Variants in ANOS1 observed in about 807,000 individuals in gnomAD.
ANOS1 encodes the protein anosmin-1.
ANOS1 carries 6 observed loss-of-function variants against 59.0 expected under a neutral mutation model. The observed-to-expected ratio is 0.10, with a 90% CI of 0.06 to 0.20. The LOEUF (loss-of-function observed/expected upper bound fraction) is 0.20. Ranked by LOEUF, ANOS1 falls within the 10% of genes least tolerant of loss-of-function variation. ANOS1 has a pLI of 1.00. For missense variants in ANOS1, 433 were observed against 542.3 expected, an observed-to-expected ratio of 0.80 and a Z score of 2.00; for synonymous variants, 217 against 223.4, an observed-to-expected ratio of 0.97 and a Z score of 0.25.
At chrX:8,586,223 T>C (rs1017780751) in intron 5 of ANOS1, among the ~76,000 whole-genome samples, 1 of 111,901 alleles carries the variant, frequency 8.9e-6, no homozygotes, top group Non-Finnish European at 1.9e-5. Flanking sequence ...GGAAACAGGA[T>C]TGGATTTGAA....
chrX:8,613,754 C>T (rs1931109708), intron 3 of ANOS1, among the ~76,000 whole-genome samples: 2 of 111,923 alleles, frequency 1.8e-5, no homozygotes, highest in Admixed American at 1.9e-4. Context: ...AATCCTCCTG[C>T]CCCAGCCTCC....
chrX:8,656,098 A>C (rs950010727), intron 2 of ANOS1, among the ~76,000 whole-genome samples: 1 of 112,374 alleles, frequency 8.9e-6, no homozygotes, highest in Non-Finnish European at 1.9e-5. Context: ...AGGAATCAGA[A>C]AATTGAAAGA....
chrX:8,631,537 T>A (rs1451263994), intron 2 of ANOS1, among the ~76,000 whole-genome samples: 1 of 107,119 alleles, frequency 9.3e-6, no homozygotes, highest in Admixed American at 1.0e-4. Context: ...TTTCATGGTT[T>A]AGTAAAGTTT....
chrX:8,566,351 GTGTGTGTATGAGTATGTA>G (rs1478550510), intron 8 of ANOS1: 1 of 506,120 alleles, frequency 2.0e-6, no homozygotes, highest in Non-Finnish European at 2.4e-6. Context: ...GTGTGTGTGT[GTGTGTGTATGAGTATGTA>G]TGTGTGTATA....
intron 9 of ANOS1, among the ~76,000 whole-genome samples, chrX:8,540,028 T>C (rs1211787461): frequency 9.3e-6 from 1 of 107,804 alleles, no homozygotes; most frequent in Non-Finnish European, 1.9e-5. Context: ...AAGCACTAAG[T>C]AGAAAAAAAA....
intron 1 of ANOS1, among the ~76,000 whole-genome samples, chrX:8,728,764 C>T: frequency 8.9e-6 from 1 of 112,136 alleles, no homozygotes; most frequent in Non-Finnish European, 1.9e-5. Flanking sequence ...GGGTTTCCAT[C>T]CCATCTTCCT....
At chrX:8,550,299 T>C (rs978542059) in intron 9 of ANOS1, among the ~76,000 whole-genome samples, 20 of 111,802 alleles carry the variant, frequency 1.8e-4, no homozygotes, top group African/African-American at 5.5e-4. Flanking sequence ...TTAAAAAGTA[T>C]CATACTTTCT....
chrX:8,529,470 G>A lies in ANOS1; in HGVS notation c.*3525C>T, dbSNP rs1236926897. ...GAAATGAGTAAACTTGAAAACCCAC[G>A]GCATAAGAAAGGGCATTAAATAAAT... On this transcript the variant is annotated 3_prime_UTR_variant, in exon 14 of 14. Transcript: ENST00000262648. 1 of 111,800 alleles carries A rather than the reference G, an allele frequency of 8.9e-6. No homozygotes were observed. The highest frequency in any genetic ancestry group is 3.7e-4 in the South Asian group (1 of 2,671). The allele number at this position is 111,800 out of a possible 1,213,427, so 9.2% of individuals were successfully genotyped here.
intron 2 of ANOS1, among the ~76,000 whole-genome samples, chrX:8,644,370 T>A (rs10126563): frequency 0.17 from 18,818 of 109,573 alleles, 2,324 homozygotes; most frequent in African/African-American, 0.43. Flanking sequence ...TGACCAGCAT[T>A]CACATTAGCA....
chrX:8,706,168 T>C lies in ANOS1; in HGVS notation c.208-6423A>G, dbSNP rs111710855. 9.5e-3 allele frequency among the ~76,000 whole-genome samples: 1,067 copies of C among 112,466 alleles called. 9 individuals carry two copies. The highest frequency in any genetic ancestry group is 0.033 in the African/African-American group (1,009 of 30,980). ...AATAAAGATAAATGGAAACTAGTTC[T>C]CTAGATCCCACCATATGAAAAGAGA... On this transcript the variant is annotated intron_variant, in intron 1 of 13. Transcript: ENST00000262648.
chrX:8,567,826 C>CAA (rs1007157150), intron 8 of ANOS1, among the ~76,000 whole-genome samples: 1 of 110,676 alleles, frequency 9.0e-6, no homozygotes, highest in African/African-American at 3.3e-5. Flanking sequence ...CAAAACAAAA[C>CAA]AACAACAACA....
intron 9 of ANOS1, among the ~76,000 whole-genome samples, chrX:8,544,533 A>T (rs1417785078): frequency 9.6e-6 from 1 of 103,805 alleles, no homozygotes; most frequent in Non-Finnish European, 2.0e-5. Flanking sequence ...AGTATCACAT[A>T]GGCATTTCTA....
chrX:8,645,896 G>A (rs945260901), intron 2 of ANOS1, among the ~76,000 whole-genome samples: 2 of 111,780 alleles, frequency 1.8e-5, no homozygotes, highest in Non-Finnish European at 3.8e-5. Context: ...CGCCCGCCTC[G>A]GCCTCCCAAA....
chrX:8,713,757 C>T lies in ANOS1; in HGVS notation c.208-14012G>A, dbSNP rs746227824. On this transcript the variant is annotated intron_variant, in intron 1 of 13. Coordinates refer to ENST00000262648, the MANE Select transcript of ANOS1 (RefSeq NM_000216.4). ...CCTCCCAAGGAGCTGGGATTACAGG[C>T]GCCCACCACCACGCCTGGCTAATTT... is the stretch of plus-strand genomic sequence containing the variant. 2.2e-4 allele frequency among the ~76,000 whole-genome samples: 24 copies of T among 110,524 alleles called. 1 individual carries two copies. In the South Asian group the frequency reaches 4.3e-3, roughly 20 times the overall value.
chrX:8,667,862 G>C (rs1348206028), intron 2 of ANOS1, among the ~76,000 whole-genome samples: 2 of 110,718 alleles, frequency 1.8e-5, no homozygotes, highest in Non-Finnish European at 3.8e-5. Flanking sequence ...GGGGAGCTGA[G>C]AGCATGAATT....
Position 8,562,194 on chromosome X carries a change from G to C in ANOS1, c.1207+6038C>G, listed in dbSNP as rs1025643508. Among the ~76,000 whole-genome samples, 13 of 110,858 alleles carry C rather than the reference G, an allele frequency of 1.2e-4. 1 individual carries two copies. Among genetic ancestry groups the C allele is most frequent in the Admixed American group, 1.2e-3 (12 of 10,416 alleles). On this transcript the variant is annotated intron_variant, in intron 8 of 13. Transcript: ENST00000262648. ...GACCTCAAGTGATCTGCCCATCTTG[G>C]CCTCCCAAAGTGCTGGGATTACAGG...
chrX:8,630,219 C>T (rs1931465141), intron 2 of ANOS1, among the ~76,000 whole-genome samples: 1 of 111,655 alleles, frequency 9.0e-6, no homozygotes, highest in Admixed American at 9.5e-5. Flanking sequence ...CACTTGAGGT[C>T]AAGAGCTCGA....
intron 2 of ANOS1, among the ~76,000 whole-genome samples, chrX:8,668,144 T>C (rs1161037947): frequency 9.3e-6 from 1 of 107,958 alleles, no homozygotes; most frequent in Non-Finnish European, 1.9e-5. Context: ...CCGAGCAGTA[T>C]ACACTGAACC....
intron 2 of ANOS1, among the ~76,000 whole-genome samples, chrX:8,642,266 T>C (rs5978930): frequency 0.21 from 23,159 of 111,326 alleles, 3,412 homozygotes; most frequent in African/African-American, 0.52. Flanking sequence ...ATAAAAAGAT[T>C]ACATGCTGTA....
Sources: gnomAD v4.1 joint callset for allele counts (sites outside exome capture counted in the v4.1 genomes callset) on GRCh38, gnomAD v4.1.1 for gene constraint, MANE v1.5 for transcripts, NCBI Gene and HGNC (gene_info 2026-07-23, HGNC 2026-07-21) for gene names.